The following RBPJ variants were observed in gnomAD, a reference collection of about 807,000 sequenced individuals.
RBPJ encodes recombining binding protein suppressor of hairless.
In RBPJ, 9 loss-of-function variants were observed where a neutral mutation model predicts 67.8. That is an observed-to-expected ratio of 0.13 (90% CI 0.08 to 0.23). The LOEUF is 0.23. Ranked by LOEUF, RBPJ falls within the 10% of genes least tolerant of loss-of-function variation. The pLI is 1.00. For missense variants in RBPJ, 305 were observed against 595.6 expected (o/e 0.51, Z 5.08); for synonymous variants, 198 against 203.3 (o/e 0.97, Z 0.22).
At chr4:26,122,820 C>T in the RBPJ span, among the ~76,000 whole-genome samples, 2 of 151,918 alleles carry the variant, frequency 1.3e-5, no homozygotes, top group Non-Finnish European at 2.9e-5. Context: ...CCTACCATTG[C>T]AGGGAGAACA....
At chr4:26,114,456 CA>C in the RBPJ span, among the ~76,000 whole-genome samples, 15,056 of 90,426 alleles carry the variant, frequency 0.17, 1,153 homozygotes, top group African/African-American at 0.28. Context: ...AGACTCCTCT[CA>C]AAAAAAAAAA....
intron 1 of RBPJ, among the ~76,000 whole-genome samples, chr4:26,253,535 T>G (rs1234675593): frequency 2.0e-5 from 3 of 151,290 alleles, no homozygotes; most frequent in Admixed American, 6.6e-5. Flanking sequence ...ATGGTCTCGA[T>G]CTCCTGACCT....
At chr4:26,330,574 G>A (rs1056982601) in intron 1 of RBPJ, among the ~76,000 whole-genome samples, 1 of 152,218 alleles carries the variant, frequency 6.6e-6, no homozygotes, top group Non-Finnish European at 1.5e-5. Flanking sequence ...TTAGAAAAGT[G>A]TAATGCCTTT....
intron 1 of RBPJ, among the ~76,000 whole-genome samples, chr4:26,350,086 C>T (rs761338062): frequency 8.5e-5 from 13 of 152,120 alleles, no homozygotes; most frequent in Non-Finnish European, 1.6e-4. Flanking sequence ...GAGTGCCTGT[C>T]GTGTAAGACA....
chr4:26,216,095 C>T (rs1291960189), intron 1 of RBPJ, among the ~76,000 whole-genome samples: 2 of 152,128 alleles, frequency 1.3e-5, no homozygotes, highest in South Asian at 2.1e-4. Context: ...CTTTTTGGCT[C>T]ATGGCTGCAA....
intron 1 of RBPJ, among the ~76,000 whole-genome samples, chr4:26,225,929 C>T (rs1719060266): frequency 6.6e-6 from 1 of 151,752 alleles, no homozygotes; most frequent in East Asian, 1.9e-4. Flanking sequence ...GGATAGATCG[C>T]CTGAGGTCAG....
chr4:26,269,286 C>A (rs1377383473), intron 1 of RBPJ, among the ~76,000 whole-genome samples: 2 of 151,198 alleles, frequency 1.3e-5, no homozygotes, highest in Non-Finnish European at 2.9e-5. Flanking sequence ...CACAGGGTCT[C>A]GCTCCATCGT....
the RBPJ span, among the ~76,000 whole-genome samples, chr4:26,129,211 A>T: frequency 6.6e-6 from 1 of 152,222 alleles, no homozygotes; most frequent in Admixed American, 6.5e-5. Context: ...ATTAATAATC[A>T]GTAAGTGGCC....
intron 5 of RBPJ, among the ~76,000 whole-genome samples, chr4:26,421,331 C>T (rs1735119547): frequency 1.3e-5 from 2 of 150,936 alleles, no homozygotes; most frequent in Admixed American, 1.3e-4. Context: ...GAGATGGACT[C>T]TTACTCTGTC....
chr4:26,204,614 G>A (rs1577469342), intron 1 of RBPJ, among the ~76,000 whole-genome samples: 1 of 152,310 alleles, frequency 6.6e-6, no homozygotes, highest in East Asian at 1.9e-4. Context: ...TGACCTGGGT[G>A]AAGCTCACTG....
At chr4:26,105,549 A>G in the RBPJ span, among the ~76,000 whole-genome samples, 1 of 152,176 alleles carries the variant, frequency 6.6e-6, no homozygotes, top group African/African-American at 2.4e-5. Flanking sequence ...ACTCTGGCAA[A>G]ACTAGGCCAG....
intron 1 of RBPJ, among the ~76,000 whole-genome samples, chr4:26,382,510 G>T (rs1309594408): frequency 6.6e-6 from 1 of 152,104 alleles, no homozygotes; most frequent in Non-Finnish European, 1.5e-5. Flanking sequence ...TAGTTTGATT[G>T]TGACCTCGGA....
At chr4:26,158,518 A>C (rs553222290), upstream of RBPJ, among the ~76,000 whole-genome samples, 5 of 152,328 alleles carry the variant, frequency 3.3e-5, no homozygotes, top group East Asian at 9.6e-4. Flanking sequence ...AGGAAAAGGG[A>C]GTCAGTAAGT....
In RBPJ at chr4:26,195,563, C is replaced by T. The variant is rs573228044; in HGVS notation, c.-167+31949C>T. Among the ~76,000 whole-genome samples the T allele has an allele frequency of 8.7e-4, 132 of 152,170 alleles. 2 individuals carry two copies. The South Asian group carries it at 0.013, about 15-fold the overall frequency. ...AATAACTAAGGTCTATATCGAACTTCGAAAACTGATCTCTGAGTATGTTTT... is the reference window on the plus strand; with the variant it reads ...AATAACTAAGGTCTATATCGAACTTTGAAAACTGATCTCTGAGTATGTTTT... On this transcript the variant is annotated intron_variant, in intron 1 of 4. Transcript: ENST00000512351.
chr4:26,308,200 C>G (rs983887530), intron 1 of RBPJ, among the ~76,000 whole-genome samples: 2 of 151,878 alleles, frequency 1.3e-5, no homozygotes, highest in African/African-American at 4.8e-5. Context: ...GGCGTGAGCC[C>G]GGGAGGCGGA....
intron 1 of RBPJ, among the ~76,000 whole-genome samples, chr4:26,228,749 A>G (rs942572104): frequency 6.6e-6 from 1 of 152,230 alleles, no homozygotes; most frequent in Non-Finnish European, 1.5e-5. Context: ...GCCATGAGTA[A>G]TGGGTCTCTT....
intron 1 of RBPJ, among the ~76,000 whole-genome samples, chr4:26,327,058 TGTTGAATGTCTA>T (rs1560268082): frequency 6.6e-6 from 1 of 152,172 alleles, no homozygotes. Context: ...AATGTAGGAA[TGTTGAATGTCTA>T]GCTGCTACTA....
At chr4:26,216,893 C>G (rs1718738816) in intron 1 of RBPJ, among the ~76,000 whole-genome samples, 1 of 152,096 alleles carries the variant, frequency 6.6e-6, no homozygotes, top group South Asian at 2.1e-4. Flanking sequence ...CCACTGCACT[C>G]CAGCCTGGGC....
intron 1 of RBPJ, among the ~76,000 whole-genome samples, chr4:26,349,096 G>A (rs766039214): frequency 1.4e-4 from 21 of 150,828 alleles, no homozygotes; most frequent in Non-Finnish European, 2.5e-4. Context: ...GTGCGCGCGC[G>A]CACGCACTTG....
Sources: allele counts gnomAD v4.1 joint callset (sites outside exome capture counted in the v4.1 genomes callset), GRCh38; gene constraint gnomAD v4.1.1; transcripts MANE v1.5; gene names NCBI Gene and HGNC (gene_info 2026-07-23, HGNC 2026-07-21).